The following TMEM230 variants were observed in gnomAD, a reference collection of about 807,000 sequenced individuals.
TMEM230 encodes the protein UPF0414 transmembrane protein C20orf30.
Under a neutral mutation model 15.8 loss-of-function variants are expected in TMEM230, and 10 were observed. The ratio of observed to expected loss-of-function variants is 0.63; its 90% CI spans 0.39 to 1.07. TMEM230 has a LOEUF of 1.07. Ranked by LOEUF, TMEM230 falls within the 50% of genes least tolerant of loss-of-function variation. The pLI, the probability that TMEM230 is intolerant of heterozygous loss-of-function variation, is 0.01. For synonymous variants in TMEM230, 67 were observed against 76.9 expected, an observed-to-expected ratio of 0.87 and a Z score of 0.68; for missense variants, 165 against 193.3, an observed-to-expected ratio of 0.85 and a Z score of 0.87.
At chr20:5,084,095 A>G (rs953577066) in intron 3 of TMEM230, among the ~76,000 whole-genome samples, 1 of 152,132 alleles carries the variant, frequency 6.6e-6, no homozygotes, top group Non-Finnish European at 1.5e-5. Flanking sequence ...GCTTGTAATA[A>G]GTGAGAATGT....
chr20:5,072,930 A>G (rs2088876953), intron 3 of TMEM230, among the ~76,000 whole-genome samples: 1 of 151,494 alleles, frequency 6.6e-6, no homozygotes, highest in Admixed American at 6.6e-5. Context: ...GGAGCCAAAC[A>G]GCACAGTAAC....
chr20:5,104,944 T>C (rs573315866), intron 4 of TMEM230, among the ~76,000 whole-genome samples: 5 of 152,212 alleles, frequency 3.3e-5, no homozygotes, highest in Non-Finnish European at 7.3e-5. Context: ...GCTCTAGTAT[T>C]TGATAGCACA....
At chr20:5,094,958 G>A (rs2089623590), downstream of TMEM230, among the ~76,000 whole-genome samples, 1 of 151,978 alleles carries the variant, frequency 6.6e-6, no homozygotes, top group Non-Finnish European at 1.5e-5. Context: ...TCACAACTAC[G>A]GGCAAAGGGG....
At chr20:5,105,514 C>T (rs758322032) in intron 4 of TMEM230, among the ~76,000 whole-genome samples, 1 of 151,832 alleles carries the variant, frequency 6.6e-6, no homozygotes, top group Non-Finnish European at 1.5e-5. Flanking sequence ...TAGCATGAAC[C>T]TGGGAGGCGG....
At chr20:5,095,533 C>T (rs1568493755), downstream of TMEM230, among the ~76,000 whole-genome samples, 1 of 152,148 alleles carries the variant, frequency 6.6e-6, no homozygotes, top group Non-Finnish European at 1.5e-5. Context: ...TTGGGAGTTA[C>T]TGTCTTAGCT....
chr20:5,059,969 A>G, the TMEM230 span, among the ~76,000 whole-genome samples: 1 of 151,488 alleles, frequency 6.6e-6, no homozygotes, highest in South Asian at 2.1e-4. Flanking sequence ...ATGGGGTTTC[A>G]CCATGTTGGC....
chr20:5,094,393 A>G (rs1454296666), intron 3 of TMEM230, among the ~76,000 whole-genome samples: 3 of 151,020 alleles, frequency 2.0e-5, no homozygotes, highest in African/African-American at 7.3e-5. Context: ...GACACACACC[A>G]CCACACCTGG....
rs1036947805 is a variant in TMEM230 at position 5,102,169 on chromosome 20, G to T, written c.412-1238C>A. 2.0e-5 allele frequency among the ~76,000 whole-genome samples: 3 copies of T among 152,140 alleles called. No homozygotes were observed. In the East Asian group the frequency reaches 5.8e-4, roughly 29 times the overall value. ...GGAAGTTTACTGTTGCTCAAAGGAA[G>T]AAAAACATGTTTTGCCAACAGAGAA... On this transcript the variant is annotated intron_variant, in intron 4 of 4. Coordinates refer to ENST00000342308, the MANE Select transcript of TMEM230 (RefSeq NM_001009923.2).
At chr20:5,108,951 G>C (rs754823928) in intron 3 of TMEM230, among the ~76,000 whole-genome samples, 1 of 152,038 alleles carries the variant, frequency 6.6e-6, no homozygotes, top group East Asian at 1.9e-4. Flanking sequence ...TTTGACTAAA[G>C]TGTAAATAAA....
In TMEM230 at chr20:5,111,607, T is replaced by TA. The variant is rs758119588; in HGVS notation, c.69-3dup. On this transcript the variant is annotated splice_region_variant and splice_polypyrimidine_tract_variant and intron_variant, in intron 1 of 4. Transcript: ENST00000342308. ...CTGGGCGACAGAACTAGACTCCATCTAAAAAAAAAAAAAAAAAAAAAAAAA... is the reference window on the plus strand; with the variant it reads ...CTGGGCGACAGAACTAGACTCCATCTAAAAAAAAAAAAAAAAAAAAAAAAAA... The TA allele has an allele frequency of 3.7e-3, 217 of 58,926 alleles. 31 individuals are homozygous for TA. Among genetic ancestry groups the TA allele is most frequent in the Non-Finnish European group, 5.0e-3 (171 of 34,174 alleles). The allele number at this position is 58,926 out of a possible 1,614,324, so 3.7% of individuals were successfully genotyped here. A position where few individuals can be genotyped will look rare whatever the true frequency, so the allele number is the denominator to read the frequency against.
chr20:5,088,563 A>G (rs2089422076), intron 3 of TMEM230, among the ~76,000 whole-genome samples: 2 of 152,042 alleles, frequency 1.3e-5, no homozygotes, highest in South Asian at 4.1e-4. Context: ...ACCTGGCTAG[A>G]GTGCGGTAGC....
downstream of TMEM230, among the ~76,000 whole-genome samples, chr20:5,096,390 T>C (rs2089664949): frequency 6.6e-6 from 1 of 152,172 alleles, no homozygotes; most frequent in African/African-American, 2.4e-5. Flanking sequence ...TGAGGCCCCA[T>C]CACTGAACTA....
chr20:5,111,816 C>CA, intron 1 of TMEM230: 2 of 974,852 alleles, frequency 2.1e-6, no homozygotes, highest in East Asian at 1.1e-4. Flanking sequence ...TACCTAATTC[C>CA]AAAAAATAAC....
downstream of TMEM230, among the ~76,000 whole-genome samples, chr20:5,098,218 G>A (rs1036211599): frequency 2.0e-5 from 3 of 151,492 alleles, no homozygotes; most frequent in East Asian, 2.0e-4. Flanking sequence ...CAGGTGATCC[G>A]CCCGCCTCGG....
exon 4 of TMEM230, chr20:5,068,701 T>C (rs1347122929): frequency 6.5e-6 from 1 of 152,822 alleles, no homozygotes; most frequent in East Asian, 1.9e-4. Context: ...CCAAATCATA[T>C]CACCATGTTA....
intron 3 of TMEM230, among the ~76,000 whole-genome samples, chr20:5,085,702 CA>C (rs759433922): frequency 3.3e-5 from 5 of 151,180 alleles, no homozygotes; most frequent in African/African-American, 7.3e-5. Context: ...TAGTCCCAGA[CA>C]AAAAAAAGCC....
chr20:5,092,304 C>A (rs947617739), intron 3 of TMEM230, among the ~76,000 whole-genome samples: 1 of 152,210 alleles, frequency 6.6e-6, no homozygotes, highest in Admixed American at 6.5e-5. Context: ...GGGCCAGCAT[C>A]AGTCCATGGC....
At chr20:5,109,477 T>C in intron 2 of TMEM230, 32 bp from the exon 2 acceptor site, 1 of 1,536,302 alleles carries the variant, frequency 6.5e-7, no homozygotes, top group South Asian at 1.1e-5. Context: ...CCCGTTATTG[T>C]CTGTAGATGA....
downstream of TMEM230, among the ~76,000 whole-genome samples, chr20:5,063,552 G>T (rs948975161): frequency 2.0e-4 from 31 of 152,004 alleles, no homozygotes; most frequent in African/African-American, 7.3e-4. Flanking sequence ...GCCTCCCAGA[G>T]TGCTGGGATT....
Sources: allele counts gnomAD v4.1 joint callset (sites outside exome capture counted in the v4.1 genomes callset), GRCh38; gene constraint gnomAD v4.1.1; transcripts MANE v1.5; gene names NCBI Gene and HGNC (gene_info 2026-07-23, HGNC 2026-07-21).